IRF4: variants seen among roughly 807,000 people sequenced by gnomAD.
The protein encoded by IRF4 is interferon regulatory factor 4.
IRF4 carries 13 observed loss-of-function variants against 55.5 expected under a neutral mutation model. The ratio of observed to expected loss-of-function variants is 0.23; its 90% CI spans 0.15 to 0.37. IRF4 has a LOEUF of 0.37. Among genes scored for constraint, IRF4 ranks in the 10% least tolerant of loss-of-function variants. The pLI, the probability that IRF4 is intolerant of heterozygous loss-of-function variation, is 1.00. For missense variants in IRF4, 397 were observed against 593.8 expected, an observed-to-expected ratio of 0.67 and a Z score of 3.44; for synonymous variants, 249 against 240.7, an observed-to-expected ratio of 1.03 and a Z score of -0.32.
rs775268870 is a variant in IRF4, at chr6:394,829, A to C, written c.225A>C (p.Ala75=). ...TCATTCTTTCCCACCAGGCTTGGGCACTGTTTAAAGGAAAGTTCCGAGAAG... is the reference window on the plus strand; with the variant it reads ...TCATTCTTTCCCACCAGGCTTGGGCCCTGTTTAAAGGAAAGTTCCGAGAAG... ...EEDAALFKAW[A]LFKGKFREGI... The change falls in exon 3 of 9, where the codon GCA becomes GCC. Residue 75 remains alanine, a synonymous_variant. Coordinates refer to ENST00000380956, the MANE Select transcript of IRF4 (RefSeq NM_002460.4). The C allele has an allele frequency of 3.1e-6, 5 of 1,612,972 alleles. No homozygotes were observed. The highest frequency in any genetic ancestry group is 4.2e-6 in the Non-Finnish European group (5 of 1,179,702).
chr6:400,758 T>C (rs868160227), intron 6 of IRF4, among the ~76,000 whole-genome samples: 1 of 149,368 alleles, frequency 6.7e-6, no homozygotes, highest in Non-Finnish European at 1.5e-5. Flanking sequence ...CATAAATAAT[T>C]AAGCACCTAA....
chr6:403,122 A>C (rs541664462), intron 7 of IRF4, among the ~76,000 whole-genome samples: 1 of 152,242 alleles, frequency 6.6e-6, no homozygotes, highest in Non-Finnish European at 1.5e-5. Context: ...GGCGGCGGCA[A>C]GTGAGGAAGT....
rs199763142 is a variant in IRF4 at position 407,474 on chromosome 6, G to A, written c.1232G>A (p.Arg411Lys). The A allele has an allele frequency of 1.6e-4, 250 of 1,606,274 alleles. No homozygotes were observed. The highest frequency in any genetic ancestry group is 2.0e-4 in the Non-Finnish European group (232 of 1,178,126). ...TTAAAGGTAGAACCTCTGCTAGCCA[G>A]ACAACTATATTATTTTGCTCAACAA... ...ITAHVEPLLA[R>K]QLYYFAQQNS... is the part of the protein sequence containing the mutation. Residue 411 changes from arginine (R) to lysine (K), a missense_variant, in exon 9 of 9, where the codon AGA becomes AAA. Physicochemically the swap from Arg to Lys is conservative, Grantham distance 26. Around this residue, in one of 3 missense-constraint regions of IRF4, gnomAD observed 341 missense variants for 548.1 expected, o/e 0.62. Coordinates refer to ENST00000380956, the MANE Select transcript of IRF4 (RefSeq NM_002460.4).
At chr6:403,043 C>A (rs2127440952) in intron 7 of IRF4, among the ~76,000 whole-genome samples, 1 of 152,290 alleles carries the variant, frequency 6.6e-6, no homozygotes, top group East Asian at 1.9e-4. Flanking sequence ...CCCCCCGCAC[C>A]ACAAAAAAAT....
Position 407,357 on chromosome 6 carries a change from G to C in IRF4, c.1213-98G>C, listed in dbSNP as rs1372218124. The C allele has an allele frequency of 2.6e-6, 3 of 1,153,816 alleles. No individual in the cohort carries two copies. The Admixed American group carries it at 7.3e-5, about 28-fold the overall frequency. 71.5% of individuals were successfully genotyped at this position (1,153,816 alleles called of 1,614,324 possible). A position where few individuals can be genotyped will look rare whatever the true frequency, so the allele number is the denominator to read the frequency against. On this transcript the variant is annotated intron_variant, in intron 8 of 8. Coordinates refer to ENST00000380956, the MANE Select transcript of IRF4 (RefSeq NM_002460.4). ...TGATGTGTTCTAGGATGTAACTTTG[G>C]GCTTTACGTTACTGTCTCCTTAGAA... is the stretch of plus-strand genomic sequence containing the variant.
At position 399,197 on chromosome 6, in the gene IRF4, A is replaced by G. The variant is rs562915363; in HGVS notation, c.745+262A>G. Among the ~76,000 whole-genome samples, 8 of 152,102 alleles carry G rather than the reference A, an allele frequency of 5.3e-5. No individual in the cohort carries two copies. The South Asian group carries it at 1.7e-3, about 32-fold the overall frequency. ...GAGTCATTTTGGCTTCTTCACTGGC[A>G]CCTCTCTGAATTTCTAGGAATGTGC... On this transcript the variant is annotated intron_variant, in intron 6 of 8. Coordinates refer to ENST00000380956, the MANE Select transcript of IRF4 (RefSeq NM_002460.4).
chr6:407,682 A>T lies in IRF4; in HGVS notation c.*84A>T. The T allele has an allele frequency of 1.4e-5, 17 of 1,258,094 alleles. No homozygotes were observed. The allele number at this position is 1,258,094 out of a possible 1,614,324, so 77.9% of individuals were successfully genotyped here. ...GATACGGGGTCTTGCTCTGTCTCCC[A>T]GGCTGGAGTGCAGTGACACAATCTC... is the stretch of plus-strand genomic sequence containing the variant. On this transcript the variant is annotated 3_prime_UTR_variant, in exon 9 of 9. Transcript: ENST00000380956.
intron 3 of IRF4, 27 bp downstream of exon 3, chr6:395,034 C>T (rs1243610814): frequency 2.6e-6 from 4 of 1,546,052 alleles, no homozygotes; most frequent in Middle Eastern, 1.7e-4. Context: ...ATTTGGGTCA[C>T]CTAACAGAGG....
chr6:401,890 TCGG>T (rs1344102530), intron 7 of IRF4, 113 bp downstream of exon 7: 3 of 902,786 alleles, frequency 3.3e-6, no homozygotes, highest in Non-Finnish European at 5.1e-6. Flanking sequence ...CCTGTTGACT[TCGG>T]CGCCCACTGG....
intron 7 of IRF4, 48 bp from the exon 8 acceptor site, chr6:404,970 G>A (rs754633446): frequency 2.6e-5 from 30 of 1,170,098 alleles, no homozygotes; most frequent in Middle Eastern, 3.9e-4. Context: ...TGGTGTGTTC[G>A]GTGATGAGGG....
intron 5 of IRF4, 96 bp from the exon 6 acceptor site, chr6:398,732 C>T: frequency 1.3e-6 from 1 of 795,900 alleles, no homozygotes; most frequent in South Asian, 2.0e-5. Flanking sequence ...GGCGCCAGCC[C>T]CTTCCTTCCC....
rs7741936 is a variant in IRF4, at chr6:401,373, G to A, written c.746-51G>A. ...TTGGCTCTGTGGAGTCGTTGGCCTC[G>A]AGGTGGTGTCCTTGGCCCCCAGCAC... On this transcript the variant is annotated intron_variant, in intron 6 of 8. Coordinates refer to ENST00000380956, the MANE Select transcript of IRF4 (RefSeq NM_002460.4). 16 of 1,419,684 alleles carry A rather than the reference G, an allele frequency of 1.1e-5. No homozygotes were observed. In the African/African-American group the frequency reaches 1.3e-4, roughly 11 times the overall value. The allele number at this position is 1,419,684 out of a possible 1,614,324, so 87.9% of individuals were successfully genotyped here. A position where few individuals can be genotyped will look rare whatever the true frequency, so the allele number is the denominator to read the frequency against.
chr6:392,953 G>C, intron 1 of IRF4, 145 bp from the exon 2 acceptor site: 2 of 500,024 alleles, frequency 4.0e-6, no homozygotes, highest in Non-Finnish European at 6.9e-6. Flanking sequence ...GCCTTCTTCC[G>C]GGGGCCCGGA....
At chr6:391,833 G>T (rs1157666729) in intron 1 of IRF4, 24 bp downstream of exon 1, 1 of 455,854 alleles carries the variant, frequency 2.2e-6, no homozygotes, top group African/African-American at 2.0e-5. Flanking sequence ...TCGGGCAGGA[G>T]GAGGGGTGTG....
intron 1 of IRF4, 124 bp from the exon 2 acceptor site, chr6:392,974 A>T: frequency 1.7e-6 from 1 of 573,994 alleles, no homozygotes; most frequent in Non-Finnish European, 2.9e-6. Flanking sequence ...CGACCCTGAC[A>T]CGGCACGCGC....
intron 6 of IRF4, 46 bp from the exon 7 acceptor site, chr6:401,378 G>T: frequency 6.9e-7 from 1 of 1,450,506 alleles, no homozygotes; most frequent in Non-Finnish European, 9.5e-7. Flanking sequence ...GCCTCGAGGT[G>T]GTGTCCTTGG....
chr6:391,926 G>A (rs1352209292), intron 1 of IRF4, 117 bp downstream of exon 1: 8 of 443,202 alleles, frequency 1.8e-5, no homozygotes, highest in Admixed American at 9.5e-5. Flanking sequence ...TTCGGAGCGG[G>A]AAGGGAGCGC....
chr6:393,084 T>C lies in IRF4; in HGVS notation c.-55-14T>C. ...CGGTGCCTCGTGGCTGAAGGGCAGC[T>C]CTTCTCCCCGCAGTGCAGAGCAGAG... On this transcript the variant is annotated splice_polypyrimidine_tract_variant and intron_variant, in intron 1 of 8. Transcript: ENST00000380956. This position sits in a 1 kb window ranked among gnomAD's most constrained non-coding sequence, Gnocchi z 5.4. 7.1e-7 allele frequency: 1 copy of C among 1,413,074 alleles called. No homozygotes were observed. The highest frequency in any genetic ancestry group is 9.6e-7 in the Non-Finnish European group (1 of 1,041,300). The allele number at this position is 1,413,074 out of a possible 1,614,324, so 87.5% of individuals were successfully genotyped here.
chr6:402,704 T>A (rs1761436691), intron 7 of IRF4, among the ~76,000 whole-genome samples: 1 of 152,252 alleles, frequency 6.6e-6, no homozygotes, highest in Non-Finnish European at 1.5e-5. Context: ...ATCCAGATTT[T>A]CTTTTGGTGC....
Sources: allele counts gnomAD v4.1 joint callset (sites outside exome capture counted in the v4.1 genomes callset), GRCh38; gene constraint gnomAD v4.1.1; regional missense constraint gnomAD v4.1.1; non-coding constraint Gnocchi (gnomAD v3.1); transcripts MANE v1.5; gene names NCBI Gene and HGNC (gene_info 2026-07-23, HGNC 2026-07-21).